SHISAL2B: variants seen among roughly 807,000 people sequenced by gnomAD.
SHISAL2B encodes shisa like 2B, also known as protein shisa-like-2B.
In SHISAL2B, 12 loss-of-function variants were observed where a neutral mutation model predicts 16.5. The observed-to-expected ratio is 0.73, with a 90% CI of 0.47 to 1.18. The LOEUF is 1.18. SHISAL2B is among the 50% of genes most tolerant of loss of function. The pLI, the probability that SHISAL2B is intolerant of heterozygous loss-of-function variation, is 0.00. For synonymous variants in SHISAL2B, 72 were observed against 75.0 expected (o/e 0.96, Z 0.21); for missense variants, 183 against 193.6 (o/e 0.95, Z 0.33).
chr5:64,702,735 T>C (rs1408779232), intron 2 of SHISAL2B, among the ~76,000 whole-genome samples: 2 of 152,160 alleles, frequency 1.3e-5, no homozygotes, highest in Admixed American at 6.5e-5. Flanking sequence ...TTAATACTCC[T>C]GGAGCTTTAA....
chr5:64,717,093 A>C (rs1186010175), intron 2 of SHISAL2B, among the ~76,000 whole-genome samples: 1 of 152,150 alleles, frequency 6.6e-6, no homozygotes, highest in African/African-American at 2.4e-5. Context: ...GGTAATTAGT[A>C]ATGGTGAAGT....
At chr5:64,707,197 C>T (rs1472996181) in intron 2 of SHISAL2B, among the ~76,000 whole-genome samples, 1 of 152,112 alleles carries the variant, frequency 6.6e-6, no homozygotes, top group South Asian at 2.1e-4. Context: ...TTCAAATAGG[C>T]TTTTAAAATT....
chr5:64,715,196 ATT>A (rs1742028608), intron 2 of SHISAL2B, among the ~76,000 whole-genome samples: 1 of 152,038 alleles, frequency 6.6e-6, no homozygotes, highest in Non-Finnish European at 1.5e-5. Flanking sequence ...TTTAATATAT[ATT>A]TTTACTTACA....
chr5:64,703,984 T>TAA (rs199564504), intron 2 of SHISAL2B, among the ~76,000 whole-genome samples: 2 of 151,788 alleles, frequency 1.3e-5, no homozygotes, highest in African/African-American at 4.8e-5. Flanking sequence ...CTCTTACAAA[T>TAA]AAAAAAAACA....
chr5:64,697,351 G>A (rs915725179), intron 2 of SHISAL2B, among the ~76,000 whole-genome samples: 21 of 152,306 alleles, frequency 1.4e-4, no homozygotes, highest in African/African-American at 4.6e-4. Context: ...ATAAGTAGAA[G>A]ATGTATTGAC....
At chr5:64,709,006 T>C (rs1405053173) in intron 2 of SHISAL2B, among the ~76,000 whole-genome samples, 1 of 152,002 alleles carries the variant, frequency 6.6e-6, no homozygotes, top group Non-Finnish European at 1.5e-5. Flanking sequence ...ATGGGTAAGA[T>C]ATGGAAGCTG....
At chr5:64,700,600 G>T (rs896269411) in intron 2 of SHISAL2B, among the ~76,000 whole-genome samples, 1 of 152,032 alleles carries the variant, frequency 6.6e-6, no homozygotes, top group Admixed American at 6.5e-5. Context: ...TTCAGTAAAG[G>T]TGAGGTTTCA....
intron 2 of SHISAL2B, among the ~76,000 whole-genome samples, chr5:64,697,687 A>C (rs952506399): frequency 1.3e-5 from 2 of 152,084 alleles, no homozygotes; most frequent in South Asian, 2.1e-4. Flanking sequence ...TTAGAATATA[A>C]ATTTAGGATT....
intron 1 of SHISAL2B, 23 bp downstream of exon 1, chr5:64,690,837 C>G: frequency 1.4e-6 from 2 of 1,478,548 alleles, no homozygotes; most frequent in Middle Eastern, 1.8e-4. Flanking sequence ...CCCGCGCGTG[C>G]GGCGGCTGGC....
chr5:64,714,708 A>C (rs1468580689), intron 2 of SHISAL2B, among the ~76,000 whole-genome samples: 2 of 151,770 alleles, frequency 1.3e-5, no homozygotes, highest in Non-Finnish European at 2.9e-5. Context: ...TGGGCGTAGG[A>C]CCCTCTGAGC....
chr5:64,717,969 G>T lies in SHISAL2B; in HGVS notation c.430G>T (p.Asp144Tyr). ...AAATGAAACATACTATGAAGCTGATGATATAATTCAAGAAAAAACAATGGA... is the reference window on the plus strand; with the variant it reads ...AAATGAAACATACTATGAAGCTGATTATATAATTCAAGAAAAAACAATGGA... ...ATNETYYEAD[D>Y]IIQEKTMDAT... The change falls in exon 3 of 3, where the codon GAT becomes TAT. Residue 144 changes from aspartate to tyrosine, a missense_variant. Asp to Tyr is a radical substitution (Grantham distance 160, BLOSUM62 -3). Coordinates refer to ENST00000389074, the MANE Select transcript of SHISAL2B (RefSeq NM_001164442.2). 1 of 1,521,192 alleles carries T rather than the reference G, an allele frequency of 6.6e-7. No homozygotes were observed. The highest frequency in any genetic ancestry group is 2.5e-5 in the East Asian group (1 of 40,278). 94.2% of individuals were successfully genotyped at this position (1,521,192 alleles called of 1,614,324 possible). A position where few individuals can be genotyped will look rare whatever the true frequency, so the allele number is the denominator to read the frequency against.
At chr5:64,704,951 C>T (rs1741856078) in intron 2 of SHISAL2B, among the ~76,000 whole-genome samples, 1 of 152,120 alleles carries the variant, frequency 6.6e-6, no homozygotes, top group African/African-American at 2.4e-5. Context: ...TTGGATTTGT[C>T]TAACCTGCAG....
rs1217357323 is a variant in SHISAL2B, at chr5:64,695,496, G to T, written c.192-11G>T. 31 of 1,512,804 alleles carry T rather than the reference G, an allele frequency of 2.0e-5. No homozygotes were observed. In the Admixed American group the frequency reaches 3.2e-4, roughly 16 times the overall value. The allele number at this position is 1,512,804 out of a possible 1,614,324, so 93.7% of individuals were successfully genotyped here. A position where few individuals can be genotyped will look rare whatever the true frequency, so the allele number is the denominator to read the frequency against. Reference sequence around the variant, plus strand: ...TTTGTGTGACACATATTTTTTTTCTGTTTTCCTCAGCATTGGTGCCTTGAT... The same window carrying T: ...TTTGTGTGACACATATTTTTTTTCTTTTTTCCTCAGCATTGGTGCCTTGAT... On this transcript the variant is annotated splice_polypyrimidine_tract_variant and intron_variant, in intron 1 of 2. Transcript: ENST00000389074.
rs1741721856 is a variant in SHISAL2B at position 64,695,608 on chromosome 5, A to G, written c.293A>G (p.Gln98Arg). 6.5e-7 allele frequency: 1 copy of G among 1,536,752 alleles called. No homozygotes were observed. The highest frequency in any genetic ancestry group is 1.4e-5 in the African/African-American group (1 of 73,042). ...LCYLFLYTKP[Q>R]RLDTGLKLQH... ...TATTTATTTCTGTATACGAAACCTC[A>G]AAGATTAGACACTGGCCTTAAGCTT... The change falls in exon 2 of 3, where the codon CAA (glutamine) becomes CGA (arginine). Residue 98 changes from glutamine (Q) to arginine (R), a missense_variant. Coordinates refer to ENST00000389074, the MANE Select transcript of SHISAL2B (RefSeq NM_001164442.2).
chr5:64,695,243 C>T (rs932950485), intron 1 of SHISAL2B, among the ~76,000 whole-genome samples: 1 of 143,194 alleles, frequency 7.0e-6, no homozygotes, highest in African/African-American at 2.7e-5. Context: ...CTACCATGGG[C>T]TTCAGAGTGA....
At chr5:64,709,836 T>A (rs1389132051) in intron 2 of SHISAL2B, among the ~76,000 whole-genome samples, 9 of 152,226 alleles carry the variant, frequency 5.9e-5, no homozygotes, top group African/African-American at 2.2e-4. Context: ...ATAAATGTCT[T>A]CTTTTGAGAA....
intron 2 of SHISAL2B, among the ~76,000 whole-genome samples, chr5:64,712,249 T>G (rs1417262053): frequency 6.6e-6 from 1 of 151,060 alleles, no homozygotes; most frequent in African/African-American, 2.4e-5. Context: ...TCTTTGTTCT[T>G]GTTGGTTTCA....
rs185431901 is a variant in SHISAL2B, at chr5:64,705,432, G to T, written c.349+9768G>T. Reference sequence around the variant, plus strand: ...TCTGATTAAACTACTATGAATTTAAGTATGTAAAAAGCTTTGGAAACATGA... The same window carrying T: ...TCTGATTAAACTACTATGAATTTAATTATGTAAAAAGCTTTGGAAACATGA... On this transcript the variant is annotated intron_variant, in intron 2 of 2. Coordinates refer to ENST00000389074, the MANE Select transcript of SHISAL2B (RefSeq NM_001164442.2). Among the ~76,000 whole-genome samples the T allele has an allele frequency of 2.3e-3, 347 of 152,202 alleles. 3 individuals are homozygous for T. Among genetic ancestry groups the T allele is most frequent in the African/African-American group, 7.9e-3 (330 of 41,544 alleles).
intron 2 of SHISAL2B, among the ~76,000 whole-genome samples, chr5:64,696,744 G>T (rs887226425): frequency 2.0e-5 from 3 of 152,152 alleles, no homozygotes; most frequent in African/African-American, 7.2e-5. Context: ...CTCTGCTCTC[G>T]AACCCTGTTT....
Sources: gnomAD v4.1 joint callset for allele counts (sites outside exome capture counted in the v4.1 genomes callset) on GRCh38, gnomAD v4.1.1 for gene constraint, MANE v1.5 for transcripts, NCBI Gene and HGNC (gene_info 2026-07-23, HGNC 2026-07-21) for gene names.